The following WHRN variants were observed in gnomAD, a reference collection of about 807,000 sequenced individuals.
The protein encoded by WHRN is whirlin.
In WHRN, 41 loss-of-function variants were observed where a neutral mutation model predicts 68.3. The ratio of observed to expected loss-of-function variants is 0.60; its 90% CI spans 0.47 to 0.78. WHRN has a LOEUF of 0.78. Ranked by LOEUF, WHRN falls within the 30% of genes least tolerant of loss-of-function variation. The probability of loss-of-function intolerance (pLI) is 0.00; values close to 1 mark genes in which losing one functional copy is unlikely to be tolerated. For synonymous variants in WHRN, 560 were observed against 561.3 expected (o/e 1.00, Z 0.03); for missense variants, 1,243 against 1,244.7 (o/e 1.00, Z 0.02).
At chr9:114,488,027 G>A (rs114048029) in intron 1 of WHRN, among the ~76,000 whole-genome samples, 146 of 152,294 alleles carry the variant, frequency 9.6e-4, no homozygotes, top group African/African-American at 2.0e-3. Context: ...AAATGAAAAC[G>A]GTAACCTGGT....
chr9:114,502,654 G>A (rs1304671226), intron 1 of WHRN, among the ~76,000 whole-genome samples: 1 of 152,168 alleles, frequency 6.6e-6, no homozygotes, highest in Non-Finnish European at 1.5e-5. Context: ...TCTGCGTTTT[G>A]AATGCCCAAG....
chr9:114,497,560 G>T (rs1843568658), intron 1 of WHRN, among the ~76,000 whole-genome samples: 1 of 150,758 alleles, frequency 6.6e-6, no homozygotes, highest in African/African-American at 2.4e-5. Context: ...AAGCCCAAAA[G>T]CCAGAAGATA....
intron 1 of WHRN, among the ~76,000 whole-genome samples, chr9:114,489,491 T>TACAC (rs143212773): frequency 4.7e-4 from 70 of 150,084 alleles, no homozygotes; most frequent in Admixed American, 8.6e-4. Context: ...CACACACACG[T>TACAC]ACACACACAC....
chr9:114,504,815 C>A lies in WHRN; in HGVS notation c.-14G>T. On this transcript the variant is annotated 5_prime_UTR_variant, in exon 1 of 12. Coordinates refer to ENST00000362057, the MANE Select transcript of WHRN (RefSeq NM_015404.4). ...CGGCGCGTTCATCTCCACGCCGAGG[C>A]CCGGCCGGGCTCTGAGCGCGCGGGG... The A allele has an allele frequency of 7.1e-7, 1 of 1,400,998 alleles. No homozygotes were observed. The highest frequency in any genetic ancestry group is 9.2e-7 in the Non-Finnish European group (1 of 1,090,880). The allele number at this position is 1,400,998 out of a possible 1,614,324, so 86.8% of individuals were successfully genotyped here. A position where few individuals can be genotyped will look rare whatever the true frequency, so the allele number is the denominator to read the frequency against.
At chr9:114,426,656 T>G (rs1050026175) in intron 3 of WHRN, among the ~76,000 whole-genome samples, 3 of 152,164 alleles carry the variant, frequency 2.0e-5, no homozygotes, top group African/African-American at 7.2e-5. Flanking sequence ...GACTCAGCAA[T>G]GGCTTTGAGG....
chr9:114,500,894 A>G (rs1843864433), intron 1 of WHRN, among the ~76,000 whole-genome samples: 1 of 152,264 alleles, frequency 6.6e-6, no homozygotes, highest in Non-Finnish European at 1.5e-5. Context: ...ATGCTACACA[A>G]GAGTGCCAAG....
intron 2 of WHRN, among the ~76,000 whole-genome samples, chr9:114,473,151 C>A (rs549617716): frequency 6.6e-6 from 1 of 152,206 alleles, no homozygotes; most frequent in Admixed American, 6.5e-5. Context: ...AGTAAGGGGC[C>A]GTGGGACAGG....
chr9:114,424,417 A>G lies in WHRN; in HGVS notation c.1333T>C (p.Tyr445His), dbSNP rs145405120. 3.1e-6 allele frequency: 5 copies of G among 1,613,162 alleles called. No homozygotes were observed. Among genetic ancestry groups the G allele is most frequent in the Non-Finnish European group, 4.2e-6 (5 of 1,180,030 alleles). Residue 445 changes from tyrosine (Y) to histidine (H), a missense_variant, in exon 6 of 12, where the codon TAC (tyrosine) becomes CAC (histidine). Transcript: ENST00000362057. ...NEQEHATMAY[Y>H]LDEYRGGSVS... is the part of the protein sequence containing the mutation. Reference sequence around the variant, plus strand: ...CTGCCACCACGGTACTCATCCAGGTAGTAGGCCATGGTGGCGTGTTCCTGC... The same window carrying G: ...CTGCCACCACGGTACTCATCCAGGTGGTAGGCCATGGTGGCGTGTTCCTGC...
At chr9:114,468,776 C>A (rs1265002556) in intron 2 of WHRN, among the ~76,000 whole-genome samples, 3 of 152,118 alleles carry the variant, frequency 2.0e-5, no homozygotes, top group African/African-American at 7.2e-5. Context: ...GCAGGCTCTG[C>A]GGACACTTGG....
rs6478078 is a variant in WHRN at position 114,404,058 on chromosome 9, C to G, written c.2256G>C (p.Gln752His). The G allele has an allele frequency of 9.3e-4, 1,504 of 1,613,212 alleles. 11 individuals carry two copies. The African/African-American group carries it at 0.018, about 19-fold the overall frequency. ...TTAGAGTCTGCCCGCTGTCCGAGAG[C>G]TGGGAGAGCGTAGAGGCTGCTGGAG... The part of the protein sequence containing the change: ...PQTRTASTLS[Q>H]LSDSGQTLSE... Residue 752 changes from glutamine to histidine, a missense_variant, in exon 10 of 12, where the codon CAG (glutamine) becomes CAC (histidine). Physicochemically the swap from Gln to His is conservative, Grantham distance 24. Coordinates refer to ENST00000362057, the MANE Select transcript of WHRN (RefSeq NM_015404.4).
At chr9:114,497,347 C>T (rs1053099324) in intron 1 of WHRN, among the ~76,000 whole-genome samples, 2 of 152,038 alleles carry the variant, frequency 1.3e-5, no homozygotes, top group South Asian at 2.1e-4. Flanking sequence ...AATTCTCAAA[C>T]GGGGAAGGAG....
At chr9:114,479,811 C>A (rs1841961537) in intron 1 of WHRN, among the ~76,000 whole-genome samples, 1 of 152,134 alleles carries the variant, frequency 6.6e-6, no homozygotes, top group South Asian at 2.1e-4. Context: ...GCCTGTAATC[C>A]CAGCACTTTG....
intron 7 of WHRN, among the ~76,000 whole-genome samples, chr9:114,419,325 T>C (rs7864759): frequency 0.21 from 32,154 of 152,158 alleles, 3,885 homozygotes; most frequent in East Asian, 0.36. Context: ...TACCACAGTG[T>C]CATAGAGAAC....
intron 2 of WHRN, among the ~76,000 whole-genome samples, chr9:114,470,078 C>T (rs1209742352): frequency 6.6e-6 from 1 of 152,246 alleles, no homozygotes; most frequent in Non-Finnish European, 1.5e-5. Flanking sequence ...CACGTACTCA[C>T]ATCTGCAACA....
intron 3 of WHRN, among the ~76,000 whole-genome samples, chr9:114,459,816 T>C (rs1440207073): frequency 6.6e-6 from 1 of 152,176 alleles, no homozygotes; most frequent in Non-Finnish European, 1.5e-5. Flanking sequence ...CAAAACGAAA[T>C]ACATTTAAAG....
Position 114,406,359 on chromosome 9 carries a change from C to CGTCTGGG in WHRN, c.2225_2231dup (p.Arg745ProfsTer48). The CGTCTGGG allele has an allele frequency of 6.2e-7, 1 of 1,614,102 alleles. No individual in the cohort carries two copies. Among genetic ancestry groups the CGTCTGGG allele is most frequent in the Non-Finnish European group, 8.5e-7 (1 of 1,180,050 alleles). On this transcript the variant is annotated frameshift_variant, in exon 9 of 12. Coordinates refer to ENST00000362057, the MANE Select transcript of WHRN (RefSeq NM_015404.4). LOFTEE classifies it high-confidence loss of function. The stretch of plus-strand genomic sequence containing the variant: ...GCCTGGCCTTGCTGTACTCACTGCG[C>CGTCTGGG]GTCTGGGGCAGCGCCCTCACTTCAT...
At chr9:114,403,463 C>A in intron 10 of WHRN, 124 bp from the exon 11 acceptor site, 1 of 1,312,012 alleles carries the variant, frequency 7.6e-7, no homozygotes, top group Non-Finnish European at 1.1e-6. Context: ...GTGTCGGGAG[C>A]CTCAGGTGTG....
intron 3 of WHRN, among the ~76,000 whole-genome samples, chr9:114,435,299 T>A (rs1837757969): frequency 6.6e-6 from 1 of 152,134 alleles, no homozygotes; most frequent in Admixed American, 6.5e-5. Flanking sequence ...ATTAAATAAA[T>A]GGATGAGCAG....
chr9:114,504,443 G>T lies in WHRN; in HGVS notation c.359C>A (p.Thr120Asn). ...TAEGLYLPAT[T>N]PYRQPAWGGP... is the part of the protein sequence containing the mutation. Reference sequence around the variant, plus strand: ...GCCCCAGGCGGGCTGCCTGTAGGGGGTGGTGGCGGGCAGGTAGAGGCCCTC... The same window carrying T: ...GCCCCAGGCGGGCTGCCTGTAGGGGTTGGTGGCGGGCAGGTAGAGGCCCTC... The change falls in exon 1 of 12, where the codon ACC becomes AAC. Residue 120 changes from threonine (T) to asparagine (N), a missense_variant. Physicochemically the swap from Thr to Asn is moderately conservative, Grantham distance 65. Transcript: ENST00000362057. 1 of 1,607,374 alleles carries T rather than the reference G, an allele frequency of 6.2e-7. No individual in the cohort carries two copies.
Sources: allele counts gnomAD v4.1 joint callset (sites outside exome capture counted in the v4.1 genomes callset), GRCh38; gene constraint gnomAD v4.1.1; transcripts MANE v1.5; gene names NCBI Gene and HGNC (gene_info 2026-07-23, HGNC 2026-07-21).